The following KDM4B variants were observed in gnomAD, a reference collection of about 807,000 sequenced individuals.
KDM4B encodes the protein lysine-specific demethylase 4B.
Under a neutral mutation model 125.2 loss-of-function variants are expected in KDM4B, and 32 were observed. The ratio of observed to expected loss-of-function variants is 0.26; its 90% confidence interval spans 0.19 to 0.34. The LOEUF is 0.34. Ranked by LOEUF, KDM4B falls within the 10% of genes least tolerant of loss-of-function variation. The probability of loss-of-function intolerance (pLI) is 1.00; values close to 1 mark genes in which losing one functional copy is unlikely to be tolerated. For missense variants in KDM4B, 1,190 were observed against 1,577.7 expected, an observed-to-expected ratio of 0.75 and a Z score of 4.16; for synonymous variants, 721 against 677.9, an observed-to-expected ratio of 1.06 and a Z score of -0.99.
chr19:5,125,361 C>T (rs545266102), intron 11 of KDM4B, among the ~76,000 whole-genome samples: 7 of 152,288 alleles, frequency 4.6e-5, no homozygotes, highest in African/African-American at 1.7e-4. Context: ...TCCTGGTTCT[C>T]CTCTGGTCTC....
chr19:5,094,338 G>A (rs2620795), intron 9 of KDM4B, among the ~76,000 whole-genome samples: 6 of 152,220 alleles, frequency 3.9e-5, no homozygotes, highest in African/African-American at 1.2e-4. Flanking sequence ...CGAAAATTGC[G>A]AGGTCCCTGA....
intron 7 of KDM4B, among the ~76,000 whole-genome samples, chr19:5,073,785 A>ATT (rs2038018951): frequency 6.6e-6 from 1 of 152,170 alleles, no homozygotes; most frequent in Non-Finnish European, 1.5e-5. Context: ...CCAGGGAAGA[A>ATT]TTAGTTCTTG....
At position 5,128,344 on chromosome 19, in the gene KDM4B, G is replaced by A. The variant is rs550063717; in HGVS notation, c.1316-2732G>A. On this transcript the variant is annotated intron_variant, in intron 11 of 22. Transcript: ENST00000159111. ...TCTTCCTCCCTCTCCTGAGACCATC[G>A]ATGCCCCAGGTGGGGCCCTCCTGGG... 4.8e-4 allele frequency among the ~76,000 whole-genome samples: 73 copies of A among 152,236 alleles called. 2 individuals are homozygous for A. In the South Asian group the frequency reaches 0.011, roughly 22 times the overall value.
chr19:5,134,570 C>T (rs2039614960), intron 14 of KDM4B, among the ~76,000 whole-genome samples: 1 of 152,226 alleles, frequency 6.6e-6, no homozygotes, highest in Non-Finnish European at 1.5e-5. Flanking sequence ...GCATCAGCAC[C>T]CAGCCCAGCC....
At chr19:5,015,067 G>A (rs562115869) in intron 1 of KDM4B, among the ~76,000 whole-genome samples, 5 of 151,998 alleles carry the variant, frequency 3.3e-5, no homozygotes, top group African/African-American at 9.7e-5. Context: ...GGTTGGGCCT[G>A]CCGAGGGGAC....
chr19:5,059,667 G>A (rs532132655), intron 6 of KDM4B, among the ~76,000 whole-genome samples: 112 of 152,312 alleles, frequency 7.4e-4, no homozygotes, highest in African/African-American at 2.5e-3. Flanking sequence ...CATTACACGC[G>A]CCATTTAGGA....
intron 2 of KDM4B, among the ~76,000 whole-genome samples, chr19:5,027,576 C>G (rs370122550): frequency 2.8e-5 from 4 of 142,706 alleles, no homozygotes; most frequent in Admixed American, 1.4e-4. Context: ...CGGAGTTTCT[C>G]GTCACCCAGG....
chr19:5,151,546 G>A lies in KDM4B; in HGVS notation c.*35G>A, dbSNP rs760755334. Reference sequence around the variant, plus strand: ...CCGCTCAGGCGACCCTCAGCCCGGCGGGGAGGCCATGGCATGCCCCGGGCG... The same window carrying A: ...CCGCTCAGGCGACCCTCAGCCCGGCAGGGAGGCCATGGCATGCCCCGGGCG... On this transcript the variant is annotated 3_prime_UTR_variant, in exon 23 of 23. Transcript: ENST00000159111. 1.5e-5 allele frequency: 20 copies of A among 1,313,876 alleles called. No individual in the cohort carries two copies. The highest frequency in any genetic ancestry group is 3.9e-5 in the Admixed American group (1 of 25,896). The allele number at this position is 1,313,876 out of a possible 1,614,324, so 81.4% of individuals were successfully genotyped here. A position where few individuals can be genotyped will look rare whatever the true frequency, so the allele number is the denominator to read the frequency against.
At chr19:5,092,331 A>G (rs887073413) in intron 9 of KDM4B, among the ~76,000 whole-genome samples, 2 of 152,166 alleles carry the variant, frequency 1.3e-5, no homozygotes, top group Non-Finnish European at 2.9e-5. Context: ...TGTTTCAACC[A>G]CAACATCGGC....
chr19:5,143,141 T>A (rs2039775264), intron 18 of KDM4B, among the ~76,000 whole-genome samples: 1 of 151,956 alleles, frequency 6.6e-6, no homozygotes, highest in East Asian at 1.9e-4. Flanking sequence ...GCCTGGACAA[T>A]ATAGCAAGAC....
Position 5,077,481 on chromosome 19 carries a change from G to A in KDM4B, c.780+11G>A. On this transcript the variant is annotated intron_variant, in intron 8 of 22. Coordinates refer to ENST00000159111, the MANE Select transcript of KDM4B (RefSeq NM_015015.3). The stretch of plus-strand genomic sequence containing the variant: ...ATCCCCTTCAGCCGGGTGCGTACGG[G>A]TGGGGCCTGCACGCCTGTGGGTGAA... The A allele has an allele frequency of 6.2e-7, 1 of 1,610,942 alleles. No homozygotes were observed.
intron 18 of KDM4B, chr19:5,138,517 G>A (rs1044572684): frequency 2.3e-5 from 4 of 170,932 alleles, no homozygotes; most frequent in Non-Finnish European, 5.1e-5. Context: ...CTAGCTGGGC[G>A]TGGTGGCACA....
At chr19:5,012,764 G>A (rs368626416) in intron 1 of KDM4B, among the ~76,000 whole-genome samples, 27 of 152,370 alleles carry the variant, frequency 1.8e-4, no homozygotes, top group African/African-American at 6.5e-4. Flanking sequence ...CAGCAGGATG[G>A]GGTTGGAGCC....
chr19:5,038,663 CT>C (rs2036708561), intron 3 of KDM4B, among the ~76,000 whole-genome samples: 4 of 152,240 alleles, frequency 2.6e-5, no homozygotes, highest in Non-Finnish European at 5.9e-5. Flanking sequence ...GGGCCATAGT[CT>C]GTCTGCTCAC....
rs143895972 is a variant in KDM4B, at chr19:5,001,493, G to T, written c.-108-14764G>T. ...CCACCCAGTGTCTCTCCTGCATGTA[G>T]ATATTTAGTTTGTTTCCAGGCTCTT... On this transcript the variant is annotated intron_variant, in intron 1 of 22. Transcript: ENST00000159111. Among the ~76,000 whole-genome samples, 395 of 152,332 alleles carry T rather than the reference G, an allele frequency of 2.6e-3. 1 individual carries two copies. Among genetic ancestry groups the T allele is most frequent in the Non-Finnish European group, 4.5e-3 (307 of 68,042 alleles).
At chr19:5,065,353 G>A (rs1462310440) in intron 6 of KDM4B, among the ~76,000 whole-genome samples, 1 of 152,208 alleles carries the variant, frequency 6.6e-6, no homozygotes, top group Non-Finnish European at 1.5e-5. Flanking sequence ...TCCCTTTCCT[G>A]ACACACTCAT....
intron 2 of KDM4B, among the ~76,000 whole-genome samples, chr19:5,030,000 C>T (rs2036400546): frequency 6.6e-6 from 1 of 152,238 alleles, no homozygotes; most frequent in South Asian, 2.1e-4. Context: ...CTGCCATGGG[C>T]TTTTGTCACC....
intron 1 of KDM4B, among the ~76,000 whole-genome samples, chr19:4,988,239 G>C (rs531313820): frequency 1.3e-5 from 2 of 152,342 alleles, no homozygotes; most frequent in African/African-American, 4.8e-5. Context: ...CTGAGCTTCT[G>C]CTGGACGCGC....
At chr19:5,106,839 C>A (rs1386869085) in intron 9 of KDM4B, among the ~76,000 whole-genome samples, 5 of 152,164 alleles carry the variant, frequency 3.3e-5, no homozygotes, top group Admixed American at 3.3e-4. Flanking sequence ...CCAGCCCAGC[C>A]CAGAGCAGTG....
Sources: gnomAD v4.1 joint callset for allele counts (sites outside exome capture counted in the v4.1 genomes callset) on GRCh38, gnomAD v4.1.1 for gene constraint, MANE v1.5 for transcripts, NCBI Gene and HGNC (gene_info 2026-07-23, HGNC 2026-07-21) for gene names.